CD226: variants seen among roughly 807,000 people sequenced by gnomAD.
CD226 encodes the protein CD226 molecule.
A neutral mutation model predicts 34.9 loss-of-function variants in CD226; 24 were observed. The observed-to-expected ratio is 0.69, with a 90% CI of 0.50 to 0.97. The LOEUF is 0.97. Ranked by LOEUF, CD226 falls within the 50% of genes least tolerant of loss-of-function variation. The probability of loss-of-function intolerance (pLI) is 0.00; values close to 1 mark genes in which losing one functional copy is unlikely to be tolerated. For missense variants in CD226, 397 were observed against 412.7 expected (o/e 0.96, Z 0.33); for synonymous variants, 148 against 147.4 (o/e 1.00, Z -0.03).
rs1284676871 is a variant in CD226 at position 69,859,290 on chromosome 18, A to AG, written c.*5023dup. 6.6e-6 allele frequency: 1 copy of AG among 152,110 alleles called. No homozygotes were observed. The highest frequency in any genetic ancestry group is 2.4e-5 in the African/African-American group (1 of 41,404). The allele number at this position is 152,110 out of a possible 1,614,324, so 9.4% of individuals were successfully genotyped here. ...GTTGGTAGAATTCCTGCTGCATCAC[A>AG]GGGGAGTTTCAGGTCAATTTATGGT... On this transcript the variant is annotated 3_prime_UTR_variant, in exon 6 of 6. Transcript: ENST00000582621.
chr18:69,900,179 A>G (rs578133673), intron 2 of CD226, among the ~76,000 whole-genome samples: 1 of 152,348 alleles, frequency 6.6e-6, no homozygotes, highest in South Asian at 2.1e-4. Flanking sequence ...CTAATGCAGG[A>G]ATTGAAAACC....
intron 3 of CD226, among the ~76,000 whole-genome samples, chr18:69,881,255 T>C (rs77021035): frequency 6.6e-6 from 1 of 152,196 alleles, no homozygotes; most frequent in Non-Finnish European, 1.5e-5. Context: ...AATGAGTGAG[T>C]TCACACAGAG....
intron 2 of CD226, among the ~76,000 whole-genome samples, chr18:69,938,969 C>G (rs1398019422): frequency 6.6e-6 from 1 of 152,114 alleles, no homozygotes; most frequent in Non-Finnish European, 1.5e-5. Flanking sequence ...GCCTGTAATC[C>G]CAGCTACTCA....
Position 69,859,810 on chromosome 18 carries a change from T to A in CD226, c.*4504A>T, listed in dbSNP as rs1486366362. On this transcript the variant is annotated 3_prime_UTR_variant, in exon 6 of 6. Transcript: ENST00000582621. Reference sequence around the variant, plus strand: ...GAACAAGGCCAGGAGTGGTCGCTCATGCCTGTAATCCCAGCAATTTAGGAG... The same window carrying A: ...GAACAAGGCCAGGAGTGGTCGCTCAAGCCTGTAATCCCAGCAATTTAGGAG... The A allele has an allele frequency of 6.6e-6, 1 of 152,212 alleles. No individual in the cohort carries two copies. 9.4% of individuals were successfully genotyped at this position (152,212 alleles called of 1,614,324 possible). A position where few individuals can be genotyped will look rare whatever the true frequency, so the allele number is the denominator to read the frequency against.
rs560537799 is a variant in CD226 at position 69,930,563 on chromosome 18, C to T, written c.382+16171G>A. Among the ~76,000 whole-genome samples the T allele has an allele frequency of 1.4e-3, 208 of 152,148 alleles. 1 individual carries two copies. The highest frequency in any genetic ancestry group is 4.7e-3 in the African/African-American group (194 of 41,494). ...TCTGATTTTTGAACCTCATACAACA[C>T]GAAAGAAATAGGTGTCAAAACCCAG... On this transcript the variant is annotated intron_variant, in intron 2 of 5. Transcript: ENST00000582621.
At chr18:69,929,881 T>C (rs2055568469) in intron 2 of CD226, among the ~76,000 whole-genome samples, 1 of 152,202 alleles carries the variant, frequency 6.6e-6, no homozygotes, top group Non-Finnish European at 1.5e-5. Context: ...CATTTCTCAA[T>C]TTCTCTCTCT....
chr18:69,882,408 C>G lies in CD226; in HGVS notation c.728-9162G>C, dbSNP rs557350580. ...ACTGTATTAGCTACTTCTTCTGGTG[C>G]GATAATGTAGCATCATTCAGTACTG... On this transcript the variant is annotated intron_variant, in intron 3 of 5. Transcript: ENST00000582621. Among the ~76,000 whole-genome samples, 159 of 152,216 alleles carry G rather than the reference C, an allele frequency of 1.0e-3. 1 individual carries two copies. The highest frequency in any genetic ancestry group is 3.5e-3 in the African/African-American group (145 of 41,530).
intron 2 of CD226, among the ~76,000 whole-genome samples, chr18:69,906,780 A>G (rs1481427852): frequency 6.6e-6 from 1 of 152,230 alleles, no homozygotes; most frequent in Non-Finnish European, 1.5e-5. Flanking sequence ...CTAAGCAATA[A>G]GTTCCAAACA....
At chr18:69,927,201 G>A (rs994124012) in intron 2 of CD226, among the ~76,000 whole-genome samples, 6 of 152,118 alleles carry the variant, frequency 3.9e-5, no homozygotes, top group African/African-American at 1.4e-4. Context: ...GCAAGAAGGC[G>A]CCGTCTTGGA....
chr18:69,921,465 T>C (rs17081830), intron 2 of CD226, among the ~76,000 whole-genome samples: 6,474 of 152,206 alleles, frequency 0.043, 487 homozygotes, highest in African/African-American at 0.15. Context: ...TATTGGGCCA[T>C]TGGATTGTAA....
chr18:69,938,837 C>T (rs1372862416), intron 2 of CD226, among the ~76,000 whole-genome samples: 1 of 152,230 alleles, frequency 6.6e-6, no homozygotes, highest in African/African-American at 2.4e-5. Flanking sequence ...GTAATTCCAG[C>T]ACTTTGGGAG....
chr18:69,903,998 T>C (rs1296259335), intron 2 of CD226, among the ~76,000 whole-genome samples: 1 of 151,960 alleles, frequency 6.6e-6, no homozygotes, highest in East Asian at 1.9e-4. Flanking sequence ...AAATCGGCCG[T>C]CTTCACAACA....
intron 4 of CD226, 81 bp downstream of exon 4, chr18:69,873,063 G>C: frequency 1.2e-6 from 1 of 812,088 alleles, no homozygotes; most frequent in Non-Finnish European, 2.2e-6. Context: ...TGAATGCTGA[G>C]ACAGCTTGAC....
chr18:69,893,891 A>G (rs1462727132), intron 3 of CD226, among the ~76,000 whole-genome samples: 1 of 152,236 alleles, frequency 6.6e-6, no homozygotes, highest in Non-Finnish European at 1.5e-5. Flanking sequence ...CTATAGTGGA[A>G]GCTTCTGTTT....
intron 2 of CD226, among the ~76,000 whole-genome samples, chr18:69,944,015 C>G (rs912652424): frequency 1.3e-5 from 2 of 151,366 alleles, no homozygotes; most frequent in Non-Finnish European, 2.9e-5. Flanking sequence ...TTTCAACTCC[C>G]CCTTTACAGT....
intron 2 of CD226, among the ~76,000 whole-genome samples, chr18:69,925,228 T>C (rs2145319109): frequency 6.6e-6 from 1 of 152,286 alleles, no homozygotes. Context: ...AGGTAGGTCA[T>C]GAAATTAAAG....
At chr18:69,897,492 T>A (rs2145250457) in intron 2 of CD226, among the ~76,000 whole-genome samples, 1 of 152,326 alleles carries the variant, frequency 6.6e-6, no homozygotes, top group South Asian at 2.1e-4. Context: ...GCAGTAATGA[T>A]GTCACAAAAC....
At chr18:69,944,799 A>T (rs1450387986) in intron 2 of CD226, among the ~76,000 whole-genome samples, 1 of 152,376 alleles carries the variant, frequency 6.6e-6, no homozygotes, top group East Asian at 1.9e-4. Context: ...TCTACATACA[A>T]CAGCAAATGA....
chr18:69,947,760 T>A lies in CD226; in HGVS notation c.-354A>T. 5.8e-6 allele frequency: 1 copy of A among 171,104 alleles called. No homozygotes were observed. Among genetic ancestry groups the A allele is most frequent in the East Asian group, 1.5e-4 (1 of 6,548 alleles). The allele number at this position is 171,104 out of a possible 1,614,324, so 10.6% of individuals were successfully genotyped here. A position where few individuals can be genotyped will look rare whatever the true frequency, so the allele number is the denominator to read the frequency against. ...ACAATAATACAAAAAAAAAAAAATA[T>A]TGCCATGATAGAACTTACATTCTAT... On this transcript the variant is annotated 5_prime_UTR_variant, in exon 1 of 6. Coordinates refer to ENST00000582621, the MANE Select transcript of CD226 (RefSeq NM_001303618.2).
Sources: allele counts gnomAD v4.1 joint callset (sites outside exome capture counted in the v4.1 genomes callset), GRCh38; gene constraint gnomAD v4.1.1; transcripts MANE v1.5; gene names NCBI Gene and HGNC (gene_info 2026-07-23, HGNC 2026-07-21).